Variants in THAP12 observed in about 807,000 individuals in gnomAD.
The protein encoded by THAP12 is THAP domain containing 12.
In THAP12, 20 loss-of-function variants were observed where a neutral mutation model predicts 63.0. The observed-to-expected ratio is 0.32, with a 90% confidence interval of 0.22 to 0.46. The LOEUF is 0.46. THAP12 is among the 20% of genes least tolerant of loss of function. The pLI is 1.00. For synonymous variants in THAP12, 264 were observed against 328.4 expected (o/e 0.80, Z 2.12); for missense variants, 568 against 908.2 (o/e 0.63, Z 4.81).
chr11:76,374,386 C>CAA (rs34052754), intron 1 of THAP12, among the ~76,000 whole-genome samples: 17 of 138,712 alleles, frequency 1.2e-4, no homozygotes, highest in African/African-American at 2.9e-4. Flanking sequence ...ATTCATTATA[C>CAA]AAAAAAAAAA....
intron 1 of THAP12, among the ~76,000 whole-genome samples, chr11:76,372,917 A>T (rs936430813): frequency 6.6e-6 from 1 of 151,794 alleles, no homozygotes; most frequent in African/African-American, 2.4e-5. Context: ...ACGGTCAAAA[A>T]AGTTCGGGTA....
intron 2 of THAP12, among the ~76,000 whole-genome samples, chr11:76,365,151 C>G (rs186005964): frequency 6.6e-6 from 1 of 152,006 alleles, no homozygotes; most frequent in South Asian, 2.1e-4. Context: ...CGTGGTGGCA[C>G]AATGCCTGTA....
At chr11:76,371,545 T>C (rs894326800) in intron 1 of THAP12, among the ~76,000 whole-genome samples, 13 of 152,208 alleles carry the variant, frequency 8.5e-5, no homozygotes, top group Non-Finnish European at 1.9e-4. Flanking sequence ...TATCTTACTA[T>C]ATTATTCCCA....
In THAP12 at chr11:76,371,461, T is replaced by C. The variant is rs75640464; in HGVS notation, c.90-5489A>G. 1.5e-3 allele frequency among the ~76,000 whole-genome samples: 224 copies of C among 152,358 alleles called. 3 individuals carry two copies. In the East Asian group the frequency reaches 0.033, roughly 22 times the overall value. ...ATATGTGGGTGTATGTGTATGAATA[T>C]GTATGCACACAGAAAACTCCAGGCA... On this transcript the variant is annotated intron_variant, in intron 1 of 4. Coordinates refer to ENST00000260045, the MANE Select transcript of THAP12 (RefSeq NM_004705.4).
chr11:76,352,045 C>T lies in THAP12; in HGVS notation c.1105G>A (p.Ala369Thr), dbSNP rs1472175099. Residue 369 changes from alanine to threonine, a missense_variant, in exon 5 of 5, where the codon GCA becomes ACA. Coordinates refer to ENST00000260045, the MANE Select transcript of THAP12 (RefSeq NM_004705.4). ...CSSCALNMWLAKSVPVMGVSV... is the reference protein window; with the variant it reads ...CSSCALNMWLTKSVPVMGVSV... ...ACTCCCATAACAGGTACTGATTTTG[C>T]CAACCACATATTTAAGGCACAGGAA... The T allele has an allele frequency of 1.9e-6, 3 of 1,611,036 alleles. No individual in the cohort carries two copies. The highest frequency in any genetic ancestry group is 1.1e-5 in the South Asian group (1 of 90,896).
At chr11:76,377,164 C>G (rs1946717339) in intron 1 of THAP12, among the ~76,000 whole-genome samples, 1 of 152,182 alleles carries the variant, frequency 6.6e-6, no homozygotes, top group Non-Finnish European at 1.5e-5. Flanking sequence ...TGAGAACACC[C>G]ATATTTACAA....
chr11:76,360,905 T>C lies in THAP12; in HGVS notation c.318+51A>G, dbSNP rs1344703374. On this transcript the variant is annotated intron_variant, in intron 3 of 4. Coordinates refer to ENST00000260045, the MANE Select transcript of THAP12 (RefSeq NM_004705.4). ...TTAACATAAATGCATCTGTATTTGA[T>C]TTCATAGTATTATGGGGGAAGGTGG... The C allele has an allele frequency of 2.5e-6, 3 of 1,217,706 alleles. No homozygotes were observed. In the Admixed American group the frequency reaches 5.5e-5, roughly 22 times the overall value. The allele number at this position is 1,217,706 out of a possible 1,614,324, so 75.4% of individuals were successfully genotyped here. A position where few individuals can be genotyped will look rare whatever the true frequency, so the allele number is the denominator to read the frequency against.
At chr11:76,376,621 T>TTG (rs1437173977) in intron 1 of THAP12, among the ~76,000 whole-genome samples, 3 of 141,802 alleles carry the variant, frequency 2.1e-5, no homozygotes, top group Non-Finnish European at 3.1e-5. Context: ...CTATGTTTTT[T>TTG]TTGTTTTTTT....
rs570375058 is a variant in THAP12, at chr11:76,358,043, T to G, written c.319-2389A>C. ...AAGTTTCATAAACTTTTAGAAACAT[T>G]AACAAAACACAAGAAAGAAAGAAAA... is the stretch of plus-strand genomic sequence containing the variant. On this transcript the variant is annotated intron_variant, in intron 3 of 4. Transcript: ENST00000260045. 2.6e-4 allele frequency: 40 copies of G among 152,126 alleles called. No individual in the cohort carries two copies. The South Asian group carries it at 8.3e-3, about 32-fold the overall frequency. 9.4% of individuals were successfully genotyped at this position (152,126 alleles called of 1,614,324 possible).
intron 1 of THAP12, among the ~76,000 whole-genome samples, chr11:76,377,959 ATATATTC>A (rs1313538655): frequency 6.6e-5 from 10 of 152,202 alleles, no homozygotes. Context: ...AGAGTTCTTT[ATATATTC>A]TGGATACTGG....
chr11:76,351,657 T>C lies in THAP12; in HGVS notation c.1493A>G (p.Lys498Arg). The C allele has an allele frequency of 6.3e-7, 1 of 1,581,576 alleles. No homozygotes were observed. ...ATCAGAGGTTTGCCCCTGGAGGTTT[T>C]TCCCAAAGGCTCTTGTAAAAGATAG... ...NVLSFTRAFG[K>R]NLQGQTSDVF... The change falls in exon 5 of 5, where the codon AAA becomes AGA. Residue 498 changes from lysine to arginine, a missense_variant. Coordinates refer to ENST00000260045, the MANE Select transcript of THAP12 (RefSeq NM_004705.4).
rs1419988187 is a variant in THAP12, at chr11:76,365,980, T to A, written c.90-8A>T. 1 of 1,608,984 alleles carries A rather than the reference T, an allele frequency of 6.2e-7. No homozygotes were observed. The highest frequency in any genetic ancestry group is 1.7e-5 in the Admixed American group (1 of 58,610). ...TCCACCCACTTCTGGCATCTATAAATAAAACCAAAATACAATTATGAAAAT... is the reference window on the plus strand; with the variant it reads ...TCCACCCACTTCTGGCATCTATAAAAAAAACCAAAATACAATTATGAAAAT... On this transcript the variant is annotated splice_polypyrimidine_tract_variant and splice_region_variant and intron_variant, in intron 1 of 4. Coordinates refer to ENST00000260045, the MANE Select transcript of THAP12 (RefSeq NM_004705.4).
At chr11:76,375,841 G>A (rs1946706221) in intron 1 of THAP12, among the ~76,000 whole-genome samples, 1 of 151,810 alleles carries the variant, frequency 6.6e-6, no homozygotes, top group South Asian at 2.1e-4. Context: ...AAATAACACT[G>A]GGCACAGTGA....
chr11:76,353,073 C>A (rs2618062), intron 4 of THAP12, among the ~76,000 whole-genome samples: 3 of 152,072 alleles, frequency 2.0e-5, no homozygotes, highest in Admixed American at 6.5e-5. Context: ...AGAAGTAGAG[C>A]GGGGAGTCTC....
Position 76,381,079 on chromosome 11 carries a change from C to CCGCCGA in THAP12, c.-244_-243insTCGGCG, listed in dbSNP as rs1483793535. On this transcript the variant is annotated 5_prime_UTR_variant, in exon 1 of 5. Coordinates refer to ENST00000260045, the MANE Select transcript of THAP12 (RefSeq NM_004705.4). ...CCGGGAGGATTTACCGCCGCCGCCG[C>CCGCCGA]CGCTGGTGCACCTCCCGCCCGCCCG... 1 of 196,372 alleles carries CCGCCGA rather than the reference C, an allele frequency of 5.1e-6. No homozygotes were observed. Among genetic ancestry groups the CCGCCGA allele is most frequent in the African/African-American group, 2.3e-5 (1 of 42,574 alleles). 12.2% of individuals were successfully genotyped at this position (196,372 alleles called of 1,614,324 possible).
intron 3 of THAP12, chr11:76,356,595 G>C (rs745726516): frequency 3.9e-5 from 6 of 152,218 alleles, no homozygotes; most frequent in South Asian, 4.1e-4. Context: ...GGAAAAAATG[G>C]ATGGTTGTAT....
intron 3 of THAP12, chr11:76,358,010 GATT>G (rs1373526546): frequency 9.9e-5 from 15 of 152,050 alleles, no homozygotes; most frequent in African/African-American, 2.4e-5. Context: ...TCTTTGAAAA[GATT>G]ATTAAAGTTT....
rs1946595526 is a variant in THAP12, at chr11:76,361,142, C to T, written c.211-79G>A. 5 of 885,326 alleles carry T rather than the reference C, an allele frequency of 5.6e-6. No homozygotes were observed. In the East Asian group the frequency reaches 1.3e-4, roughly 23 times the overall value. 54.8% of individuals were successfully genotyped at this position (885,326 alleles called of 1,614,324 possible). A position where few individuals can be genotyped will look rare whatever the true frequency, so the allele number is the denominator to read the frequency against. On this transcript the variant is annotated intron_variant, in intron 2 of 4. Transcript: ENST00000260045. ...ATCAATAAAATTCTATGTTAATGAC[C>T]TCCACAATATTCCTTCAACTCCAGC...
chr11:76,361,557 A>T (rs1946597993), intron 2 of THAP12, among the ~76,000 whole-genome samples: 1 of 152,230 alleles, frequency 6.6e-6, no homozygotes, highest in African/African-American at 2.4e-5. Flanking sequence ...AAACTCTACC[A>T]GTGAGTGACT....
Sources: gnomAD v4.1 joint callset for allele counts (sites outside exome capture counted in the v4.1 genomes callset) on GRCh38, gnomAD v4.1.1 for gene constraint, MANE v1.5 for transcripts, NCBI Gene and HGNC (gene_info 2026-07-23, HGNC 2026-07-21) for gene names.